Variants in SPOCK3 observed in about 807,000 individuals in gnomAD.
The protein encoded by SPOCK3 is SPARC (osteonectin), cwcv and kazal like domains proteoglycan 3, also known as testican-3.
Under a neutral mutation model 56.6 loss-of-function variants are expected in SPOCK3, and 30 were observed. That is an observed-to-expected ratio of 0.53 (90% CI 0.40 to 0.72). SPOCK3 has a LOEUF of 0.72. Among genes scored for constraint, SPOCK3 ranks in the 30% least tolerant of loss-of-function variants. The pLI, the probability that SPOCK3 is intolerant of heterozygous loss-of-function variation, is 0.00. For synonymous variants in SPOCK3, 196 were observed against 183.3 expected, an observed-to-expected ratio of 1.07 and a Z score of -0.56; for missense variants, 527 against 530.0, an observed-to-expected ratio of 0.99 and a Z score of 0.06.
intron 4 of SPOCK3, among the ~76,000 whole-genome samples, chr4:166,937,018 T>C (rs559723099): frequency 1.4e-4 from 22 of 152,240 alleles, no homozygotes; most frequent in Non-Finnish European, 2.2e-4. Flanking sequence ...ATTGAGAACT[T>C]ATTTATTTAT....
chr4:167,125,515 C>T (rs1762199186), intron 2 of SPOCK3, among the ~76,000 whole-genome samples: 1 of 151,328 alleles, frequency 6.6e-6, no homozygotes, highest in Admixed American at 6.6e-5. Context: ...AGATTGAGAC[C>T]ATCCTGGCTA....
At chr4:166,880,386 C>T (rs1264981526) in intron 6 of SPOCK3, among the ~76,000 whole-genome samples, 1 of 152,178 alleles carries the variant, frequency 6.6e-6, no homozygotes, top group Non-Finnish European at 1.5e-5. Flanking sequence ...CTGACCCATG[C>T]ATGTATAGTC....
intron 2 of SPOCK3, among the ~76,000 whole-genome samples, chr4:167,225,520 A>G (rs1736505384): frequency 1.3e-5 from 2 of 152,064 alleles, no homozygotes. Flanking sequence ...CTATATTATT[A>G]CTATTATTAA....
At chr4:166,841,689 T>C (rs1747362261) in intron 6 of SPOCK3, among the ~76,000 whole-genome samples, 1 of 152,188 alleles carries the variant, frequency 6.6e-6, no homozygotes, top group African/African-American at 2.4e-5. Context: ...CAAAGTAATA[T>C]TACAAATCTT....
intron 2 of SPOCK3, among the ~76,000 whole-genome samples, chr4:167,133,469 T>C (rs1440161833): frequency 6.6e-6 from 1 of 152,162 alleles, no homozygotes; most frequent in Non-Finnish European, 1.5e-5. Context: ...TGAGGCAATA[T>C]GTTGCAGAGC....
chr4:167,091,918 A>C (rs12505847), intron 2 of SPOCK3, among the ~76,000 whole-genome samples: 91,067 of 152,016 alleles, frequency 0.6, 28,586 homozygotes, highest in East Asian at 0.78. Flanking sequence ...AAAAATGGAT[A>C]TTATGAATAA....
intron 2 of SPOCK3, among the ~76,000 whole-genome samples, chr4:167,175,145 G>A (rs1216139849): frequency 6.6e-6 from 1 of 152,094 alleles, no homozygotes; most frequent in African/African-American, 2.4e-5. Context: ...TAGAACTTCT[G>A]ATGCCACTAA....
At chr4:167,032,010 A>G (rs1001356370) in intron 3 of SPOCK3, among the ~76,000 whole-genome samples, 1 of 151,980 alleles carries the variant, frequency 6.6e-6, no homozygotes, top group Non-Finnish European at 1.5e-5. Context: ...GCTTGCATTA[A>G]AAGACCAAAA....
chr4:166,746,202 T>A (rs1735587826), intron 8 of SPOCK3, among the ~76,000 whole-genome samples: 1 of 152,136 alleles, frequency 6.6e-6, no homozygotes, highest in African/African-American at 2.4e-5. Flanking sequence ...CAGAAGCACA[T>A]CACACTTATT....
In SPOCK3 at chr4:166,912,772, A is replaced by G. The variant is rs1157478756; in HGVS notation, c.351-29T>C. The G allele has an allele frequency of 1.9e-6, 3 of 1,567,074 alleles. No homozygotes were observed. The Admixed American group carries it at 6.0e-5, about 31-fold the overall frequency. ...TTAAAAAAATAAAGCAAGCATATTGAGCATATTTATTTTAAAATATACATT... is the reference window on the plus strand; with the variant it reads ...TTAAAAAAATAAAGCAAGCATATTGGGCATATTTATTTTAAAATATACATT... On this transcript the variant is annotated intron_variant, in intron 4 of 10. Coordinates refer to ENST00000357545, the MANE Select transcript of SPOCK3 (RefSeq NM_001040159.2).
At chr4:166,966,073 A>G (rs1038010012) in intron 4 of SPOCK3, among the ~76,000 whole-genome samples, 1 of 152,066 alleles carries the variant, frequency 6.6e-6, no homozygotes, top group Non-Finnish European at 1.5e-5. Context: ...CCAGAATGTC[A>G]TATAGTTGGA....
intron 8 of SPOCK3, among the ~76,000 whole-genome samples, chr4:166,752,026 C>G (rs1357641144): frequency 6.6e-6 from 1 of 151,840 alleles, no homozygotes; most frequent in Non-Finnish European, 1.5e-5. Context: ...ATTGTACATT[C>G]CTTTTGTTGT....
chr4:167,208,614 T>G (rs935646676), intron 2 of SPOCK3, among the ~76,000 whole-genome samples: 3 of 152,116 alleles, frequency 2.0e-5, no homozygotes, highest in Admixed American at 1.3e-4. Context: ...TTCATTTCTA[T>G]TCCATTACTC....
chr4:166,830,540 T>C (rs989617785), intron 6 of SPOCK3, among the ~76,000 whole-genome samples: 1 of 151,596 alleles, frequency 6.6e-6, no homozygotes, highest in African/African-American at 2.4e-5. Context: ...AGGCCAGGAG[T>C]TCAACACCAG....
chr4:166,981,067 A>G (rs575123364), intron 4 of SPOCK3, among the ~76,000 whole-genome samples: 1 of 152,352 alleles, frequency 6.6e-6, no homozygotes, highest in South Asian at 2.1e-4. Flanking sequence ...ATTGAGCAAT[A>G]GAACTGCTCT....
intron 4 of SPOCK3, among the ~76,000 whole-genome samples, chr4:166,997,182 G>A (rs1438465910): frequency 1.3e-5 from 2 of 151,958 alleles, no homozygotes; most frequent in East Asian, 3.9e-4. Context: ...GGGAGGGAGA[G>A]CATCAAGGTA....
chr4:166,965,141 T>G (rs1270650760), intron 4 of SPOCK3, among the ~76,000 whole-genome samples: 1 of 151,958 alleles, frequency 6.6e-6, no homozygotes, highest in African/African-American at 2.4e-5. Context: ...AAGAACATGC[T>G]TTTTATTATT....
At chr4:167,158,139 T>C (rs761747544) in intron 2 of SPOCK3, among the ~76,000 whole-genome samples, 2 of 151,942 alleles carry the variant, frequency 1.3e-5, no homozygotes, top group African/African-American at 4.8e-5. Flanking sequence ...TAAATATACA[T>C]GTAAAAGAAT....
rs1737198879 is a variant in SPOCK3 at position 166,910,937 on chromosome 4, T to C, written c.474+1683A>G. Among the ~76,000 whole-genome samples, 5 of 152,306 alleles carry C rather than the reference T, an allele frequency of 3.3e-5. 1 individual carries two copies. The South Asian group carries it at 1.0e-3, about 32-fold the overall frequency. ...CTGTAGTTCTTCCTATCAGTTTGAA[T>C]ATTACAATCTGCATCCTTCATTATA... On this transcript the variant is annotated intron_variant, in intron 5 of 10. Transcript: ENST00000357545.
Sources: allele counts gnomAD v4.1 joint callset (sites outside exome capture counted in the v4.1 genomes callset), GRCh38; gene constraint gnomAD v4.1.1; transcripts MANE v1.5; gene names NCBI Gene and HGNC (gene_info 2026-07-23, HGNC 2026-07-21).